The following PPM1H variants were observed in gnomAD, a reference collection of about 807,000 sequenced individuals.
PPM1H encodes the protein protein phosphatase 1H.
Under a neutral mutation model 54.9 loss-of-function variants are expected in PPM1H, and 27 were observed. The observed-to-expected ratio is 0.49, with a 90% CI of 0.36 to 0.68. The LOEUF is 0.68. Ranked by LOEUF, PPM1H falls within the 30% of genes least tolerant of loss-of-function variation. The probability of loss-of-function intolerance (pLI) is 0.00; values close to 1 mark genes in which losing one functional copy is unlikely to be tolerated. For synonymous variants in PPM1H, 305 were observed against 270.8 expected, an observed-to-expected ratio of 1.13 and a Z score of -1.24; for missense variants, 596 against 667.8, an observed-to-expected ratio of 0.89 and a Z score of 1.19.
chr12:62,773,144 C>T (rs2076589281), intron 4 of PPM1H, among the ~76,000 whole-genome samples: 1 of 151,390 alleles, frequency 6.6e-6, no homozygotes, highest in Non-Finnish European at 1.5e-5. Context: ...GAGACTCCGT[C>T]TCAAAAAAAC....
intron 6 of PPM1H, among the ~76,000 whole-genome samples, chr12:62,708,870 C>G (rs966534522): frequency 1.3e-5 from 2 of 152,150 alleles, no homozygotes; most frequent in African/African-American, 4.8e-5. Flanking sequence ...CTCACACCCC[C>G]TCCCTCTTCT....
At chr12:62,847,946 G>A (rs531814979) in intron 1 of PPM1H, among the ~76,000 whole-genome samples, 23 of 152,044 alleles carry the variant, frequency 1.5e-4, no homozygotes, top group Non-Finnish European at 3.2e-4. Context: ...CTTCCTTATT[G>A]CATTTTAATC....
At chr12:62,881,424 G>C (rs1418918891) in intron 1 of PPM1H, among the ~76,000 whole-genome samples, 1 of 151,784 alleles carries the variant, frequency 6.6e-6, no homozygotes. Flanking sequence ...AGAGAAAAGG[G>C]AAAGAAGACA....
At chr12:62,835,892 A>G (rs373774844) in intron 1 of PPM1H, among the ~76,000 whole-genome samples, 9 of 152,368 alleles carry the variant, frequency 5.9e-5, no homozygotes, top group Admixed American at 2.0e-4. Context: ...TCAAAGGTAA[A>G]TGCTTTGTTA....
chr12:62,800,054 C>T (rs756316582), intron 3 of PPM1H, among the ~76,000 whole-genome samples: 5 of 152,114 alleles, frequency 3.3e-5, no homozygotes, highest in African/African-American at 1.2e-4. Flanking sequence ...AATGTTATCT[C>T]TGTAACAAGG....
At chr12:62,806,397 A>G (rs1189346002) in intron 2 of PPM1H, among the ~76,000 whole-genome samples, 1 of 152,204 alleles carries the variant, frequency 6.6e-6, no homozygotes, top group African/African-American at 2.4e-5. Flanking sequence ...GGCAGTAGAG[A>G]TAAAAGACTG....
At chr12:62,855,982 A>T (rs989909542) in intron 1 of PPM1H, among the ~76,000 whole-genome samples, 2 of 152,190 alleles carry the variant, frequency 1.3e-5, no homozygotes, top group Admixed American at 1.3e-4. Context: ...ATTTAAGGCA[A>T]GACCCTTCCA....
chr12:62,708,503 G>A (rs1270307316), intron 6 of PPM1H, among the ~76,000 whole-genome samples: 1 of 152,166 alleles, frequency 6.6e-6, no homozygotes, highest in Non-Finnish European at 1.5e-5. Flanking sequence ...TCTGGTAAGA[G>A]TGAACTAATT....
intron 2 of PPM1H, among the ~76,000 whole-genome samples, chr12:62,822,445 A>G (rs1174491432): frequency 6.6e-6 from 1 of 152,212 alleles, no homozygotes; most frequent in East Asian, 1.9e-4. Context: ...TCAACAGACT[A>G]TACATTCTTC....
rs149682245 is a variant in PPM1H, at chr12:62,670,423, C to T, written c.1246-3094G>A. On this transcript the variant is annotated intron_variant, in intron 8 of 9. Coordinates refer to ENST00000228705, the MANE Select transcript of PPM1H (RefSeq NM_020700.2). Reference sequence around the variant, plus strand: ...GCAGTTAAACAGGAGATTCCATTTGCCTTGCAGCTTCTTCTAAAAGAGAGG... The same window carrying T: ...GCAGTTAAACAGGAGATTCCATTTGTCTTGCAGCTTCTTCTAAAAGAGAGG... Among the ~76,000 whole-genome samples, 181 of 152,212 alleles carry T rather than the reference C, an allele frequency of 1.2e-3. 1 individual carries two copies. Among genetic ancestry groups the T allele is most frequent in the Non-Finnish European group, 2.5e-3 (168 of 68,018 alleles).
chr12:62,661,286 C>T (rs776718273), intron 9 of PPM1H, among the ~76,000 whole-genome samples: 11 of 152,338 alleles, frequency 7.2e-5, no homozygotes, highest in Admixed American at 2.0e-4. Context: ...GTGTTCTTCA[C>T]GAGTATCTAG....
At chr12:62,742,258 ACTT>A (rs1327310902) in intron 4 of PPM1H, among the ~76,000 whole-genome samples, 1 of 152,136 alleles carries the variant, frequency 6.6e-6, no homozygotes, top group African/African-American at 2.4e-5. Flanking sequence ...ACATTTTTTC[ACTT>A]CCGTTTGAAC....
chr12:62,768,470 A>G (rs544351496), intron 4 of PPM1H, among the ~76,000 whole-genome samples: 102 of 152,274 alleles, frequency 6.7e-4, no homozygotes, highest in African/African-American at 2.3e-3. Context: ...CCTGGCCAAC[A>G]TAGTGAAACC....
intron 2 of PPM1H, among the ~76,000 whole-genome samples, chr12:62,811,143 T>C (rs2076832887): frequency 6.6e-6 from 1 of 152,190 alleles, no homozygotes; most frequent in South Asian, 2.1e-4. Context: ...TATGAAGGGA[T>C]AGCAAGAAGG....
chr12:62,730,702 G>A (rs561532811), intron 5 of PPM1H, among the ~76,000 whole-genome samples: 1 of 151,886 alleles, frequency 6.6e-6, no homozygotes, highest in African/African-American at 2.4e-5. Context: ...CCTTAGAAGG[G>A]GAAAATCTCC....
intron 1 of PPM1H, among the ~76,000 whole-genome samples, chr12:62,905,108 A>T (rs1298183846): frequency 1.3e-5 from 2 of 152,220 alleles, no homozygotes; most frequent in African/African-American, 2.4e-5. Flanking sequence ...TGTGACAAAG[A>T]TAACAGTACC....
At chr12:62,903,745 G>T (rs1054243161) in intron 1 of PPM1H, among the ~76,000 whole-genome samples, 3 of 152,070 alleles carry the variant, frequency 2.0e-5, no homozygotes, top group Admixed American at 6.5e-5. Flanking sequence ...GGAGTGGGGT[G>T]GGGGTCTAAA....
chr12:62,679,766 CTCACAGGGT>C (rs1346106254), intron 8 of PPM1H, among the ~76,000 whole-genome samples: 1 of 152,210 alleles, frequency 6.6e-6, no homozygotes, highest in Non-Finnish European at 1.5e-5. Flanking sequence ...ACAATCAGAA[CTCACAGGGT>C]CTGATCTGAG....
intron 6 of PPM1H, 128 bp downstream of exon 6, chr12:62,720,042 GT>G: frequency 1.3e-6 from 1 of 761,056 alleles, no homozygotes; most frequent in Non-Finnish European, 2.2e-6. Context: ...GTACCCCCTT[GT>G]CTTTTACCAC....
Sources: gnomAD v4.1 joint callset for allele counts (sites outside exome capture counted in the v4.1 genomes callset) on GRCh38, gnomAD v4.1.1 for gene constraint, MANE v1.5 for transcripts, NCBI Gene and HGNC (gene_info 2026-07-23, HGNC 2026-07-21) for gene names.